The following TMEM135 variants were observed in gnomAD, a reference collection of about 807,000 sequenced individuals.
TMEM135 encodes peroxisomal membrane protein 52.
Under a neutral mutation model 60.3 loss-of-function variants are expected in TMEM135, and 30 were observed. The observed-to-expected ratio is 0.50, with a 90% CI of 0.37 to 0.68. The LOEUF (loss-of-function observed/expected upper bound fraction) is 0.68, where lower values mean the gene tolerates loss of function less well. TMEM135 is among the 30% of genes least tolerant of loss of function. TMEM135 has a pLI of 0.00. For missense variants in TMEM135, 468 were observed against 548.8 expected (o/e 0.85, Z 1.47); for synonymous variants, 190 against 186.7 (o/e 1.02, Z -0.14).
At position 87,106,824 on chromosome 11, in the gene TMEM135, G is replaced by T. The variant is rs1029411889; in HGVS notation, c.396+15429G>T. Among the ~76,000 whole-genome samples, 10 of 152,130 alleles carry T rather than the reference G, an allele frequency of 6.6e-5. No individual in the cohort carries two copies. In the East Asian group the frequency reaches 9.6e-4, roughly 15 times the overall value. On this transcript the variant is annotated intron_variant, in intron 4 of 14. Coordinates refer to ENST00000305494, the MANE Select transcript of TMEM135 (RefSeq NM_022918.4). ...TGAGGTTTAATTGGCTAATGGTTCT[G>T]CAGGCTCACGGTTCTGCAGGCTGTA... is the stretch of plus-strand genomic sequence containing the variant.
chr11:87,320,210 A>T (rs1942798079), intron 14 of TMEM135, among the ~76,000 whole-genome samples: 1 of 152,116 alleles, frequency 6.6e-6, no homozygotes, highest in African/African-American at 2.4e-5. Context: ...TTCTGTTATT[A>T]TCCCTGTTTT....
Position 87,286,024 on chromosome 11 carries a change from T to G in TMEM135, c.510-9758T>G, listed in dbSNP as rs181732837. Among the ~76,000 whole-genome samples the G allele has an allele frequency of 4.2e-3, 634 of 152,276 alleles. 4 individuals carry two copies. The highest frequency in any genetic ancestry group is 0.014 in the African/African-American group (602 of 41,548). ...GATTAGCTAGTTACAGAGTGCTGAT[T>G]GGTGCATTTACAAACCTTGAGGTAG... On this transcript the variant is annotated intron_variant, in intron 6 of 14. Coordinates refer to ENST00000305494, the MANE Select transcript of TMEM135 (RefSeq NM_022918.4).
At chr11:87,275,893 C>T (rs533618733) in intron 6 of TMEM135, among the ~76,000 whole-genome samples, 3 of 152,164 alleles carry the variant, frequency 2.0e-5, no homozygotes, top group African/African-American at 7.2e-5. Flanking sequence ...AACTCCTGAC[C>T]TCAGGTGATC....
At chr11:87,217,347 A>T (rs1288471187) in intron 5 of TMEM135, among the ~76,000 whole-genome samples, 4 of 152,108 alleles carry the variant, frequency 2.6e-5, no homozygotes, top group Non-Finnish European at 4.4e-5. Context: ...AAGGTGTAGA[A>T]GTTATATATT....
chr11:87,145,721 C>T (rs486739), intron 4 of TMEM135, among the ~76,000 whole-genome samples: 55,775 of 151,456 alleles, frequency 0.37, 10,781 homozygotes, highest in East Asian at 0.67. Context: ...ACCATTTGTA[C>T]GTCTTCTTTT....
At chr11:87,174,982 A>G (rs571765525) in intron 5 of TMEM135, among the ~76,000 whole-genome samples, 7 of 152,080 alleles carry the variant, frequency 4.6e-5, no homozygotes, top group Admixed American at 1.3e-4. Flanking sequence ...ACTGGTCATC[A>G]CTTTCAGGGT....
At chr11:87,232,254 G>T (rs1431940852) in intron 5 of TMEM135, among the ~76,000 whole-genome samples, 3 of 151,944 alleles carry the variant, frequency 2.0e-5, no homozygotes, top group Non-Finnish European at 4.4e-5. Flanking sequence ...CCTGGCCAAG[G>T]TTTTGTTTTT....
chr11:87,133,284 C>T (rs1288169883), intron 4 of TMEM135, among the ~76,000 whole-genome samples: 2 of 152,142 alleles, frequency 1.3e-5, no homozygotes, highest in Non-Finnish European at 2.9e-5. Flanking sequence ...TTTACAAATA[C>T]AATTCAATAC....
At chr11:87,184,672 C>T (rs1939606440) in intron 5 of TMEM135, among the ~76,000 whole-genome samples, 1 of 152,004 alleles carries the variant, frequency 6.6e-6, no homozygotes, top group Admixed American at 6.6e-5. Context: ...ATATAAGAGA[C>T]TCTAAATATA....
chr11:87,135,150 T>C (rs1311556261), intron 4 of TMEM135, among the ~76,000 whole-genome samples: 1 of 152,186 alleles, frequency 6.6e-6, no homozygotes, highest in Non-Finnish European at 1.5e-5. Context: ...TGATTGGATC[T>C]ATATTTTGTA....
intron 6 of TMEM135, among the ~76,000 whole-genome samples, chr11:87,253,770 T>C (rs894967363): frequency 6.6e-6 from 1 of 151,000 alleles, no homozygotes; most frequent in Non-Finnish European, 1.5e-5. Flanking sequence ...ATTGGCACTG[T>C]GTAATCTTAT....
rs1314196780 is a variant in TMEM135 at position 87,326,320 on chromosome 11, T to C, written c.*4987T>C. On this transcript the variant is annotated 3_prime_UTR_variant, in exon 15 of 15. Coordinates refer to ENST00000305494, the MANE Select transcript of TMEM135 (RefSeq NM_022918.4). ...CATAAAGTAGACCTGTAGACCTATG[T>C]TGGCTGAGGTCACCCTGCATTACTA... The C allele has an allele frequency of 2.2e-6, 1 of 454,104 alleles. No individual in the cohort carries two copies. The highest frequency in any genetic ancestry group is 4.4e-6 in the Non-Finnish European group (1 of 226,776). The allele number at this position is 454,104 out of a possible 1,614,324, so 28.1% of individuals were successfully genotyped here.
At chr11:87,103,065 A>G (rs1400692719) in intron 4 of TMEM135, among the ~76,000 whole-genome samples, 1 of 152,160 alleles carries the variant, frequency 6.6e-6, no homozygotes, top group Non-Finnish European at 1.5e-5. Context: ...TTAACTTAGC[A>G]TAATGTCTTC....
At chr11:87,133,449 AT>A (rs1323459198) in intron 4 of TMEM135, among the ~76,000 whole-genome samples, 2 of 152,046 alleles carry the variant, frequency 1.3e-5, no homozygotes, top group Non-Finnish European at 2.9e-5. Flanking sequence ...ATTTGTTTAT[AT>A]TTTCTAGAAT....
chr11:87,190,566 C>A (rs1314484703), intron 5 of TMEM135, among the ~76,000 whole-genome samples: 1 of 151,422 alleles, frequency 6.6e-6, no homozygotes, highest in East Asian at 1.9e-4. Flanking sequence ...ACAAAGTTGC[C>A]TTAAAAAAAA....
chr11:87,047,212 T>C (rs1441773497), intron 1 of TMEM135, among the ~76,000 whole-genome samples: 2 of 152,216 alleles, frequency 1.3e-5, no homozygotes, highest in Admixed American at 6.5e-5. Context: ...TTTGAATCTA[T>C]GTTTTATGTA....
chr11:87,075,087 C>G (rs2512395), intron 3 of TMEM135, among the ~76,000 whole-genome samples: 48,015 of 152,030 alleles, frequency 0.32, 8,848 homozygotes, highest in East Asian at 0.59. Context: ...TCCCCAACCC[C>G]CGACCAGTAG....
At chr11:87,137,670 A>C (rs1403536030) in intron 4 of TMEM135, among the ~76,000 whole-genome samples, 1 of 149,984 alleles carries the variant, frequency 6.7e-6, no homozygotes, top group African/African-American at 2.4e-5. Flanking sequence ...AAATCTCAGC[A>C]TTTTTTTTTT....
chr11:87,158,605 G>A (rs1938770192), intron 5 of TMEM135, among the ~76,000 whole-genome samples: 1 of 150,268 alleles, frequency 6.7e-6, no homozygotes. Context: ...GGGACTACAG[G>A]TGCCCGCCAC....
Sources: allele counts gnomAD v4.1 joint callset (sites outside exome capture counted in the v4.1 genomes callset), GRCh38; gene constraint gnomAD v4.1.1; transcripts MANE v1.5; gene names NCBI Gene and HGNC (gene_info 2026-07-23, HGNC 2026-07-21).